The following ANP32A variants were observed in gnomAD, a reference collection of about 807,000 sequenced individuals.
The protein encoded by ANP32A is acidic nuclear phosphoprotein 32 family member A.
Under a neutral mutation model 33.9 loss-of-function variants are expected in ANP32A, and 1 was observed. The observed-to-expected ratio is 0.03, with a 90% CI of 0.01 to 0.14. The LOEUF (loss-of-function observed/expected upper bound fraction) is 0.14. Ranked by LOEUF, ANP32A falls within the 10% of genes least tolerant of loss-of-function variation. The pLI, the probability that ANP32A is intolerant of heterozygous loss-of-function variation, is 1.00. For synonymous variants in ANP32A, 115 were observed against 120.5 expected (o/e 0.95, Z 0.30); for missense variants, 155 against 306.0 (o/e 0.51, Z 3.68).
In ANP32A at chr15:68,820,206, G is replaced by A. The variant is rs575168073; in HGVS notation, c.54+492C>T. On this transcript the variant is annotated intron_variant, in intron 1 of 6. Transcript: ENST00000465139. Reference sequence around the variant, plus strand: ...TGTGCGAGCGAGCGAGCGAGAGAAAGGGAGGGGGGAGGCGCGGGAGGGGGG... The same window carrying A: ...TGTGCGAGCGAGCGAGCGAGAGAAAAGGAGGGGGGAGGCGCGGGAGGGGGG... Among the ~76,000 whole-genome samples, 5 of 152,300 alleles carry A rather than the reference G, an allele frequency of 3.3e-5. No homozygotes were observed. The Middle Eastern group carries it at 0.01, about 311-fold the overall frequency.
intron 1 of ANP32A, among the ~76,000 whole-genome samples, chr15:68,801,223 A>G (rs972749041): frequency 2.0e-5 from 3 of 151,920 alleles, no homozygotes; most frequent in African/African-American, 7.3e-5. Flanking sequence ...GAAGAAGAAA[A>G]AAAAAAAAAA....
intron 1 of ANP32A, among the ~76,000 whole-genome samples, chr15:68,800,754 A>AAAAAAAG (rs769179889): frequency 1.3e-5 from 2 of 149,450 alleles, no homozygotes; most frequent in Admixed American, 1.4e-4. Context: ...AAAAAAAAAA[A>AAAAAAAG]AAAGAAAGAA....
At chr15:68,801,442 A>G (rs1006159692) in intron 1 of ANP32A, among the ~76,000 whole-genome samples, 5 of 152,002 alleles carry the variant, frequency 3.3e-5, no homozygotes, top group Non-Finnish European at 5.9e-5. Context: ...TTTGGACAAG[A>G]CTTCACTGAG....
intron 1 of ANP32A, among the ~76,000 whole-genome samples, chr15:68,815,456 T>TC (rs1191491449): frequency 6.6e-6 from 1 of 152,196 alleles, no homozygotes; most frequent in Non-Finnish European, 1.5e-5. Flanking sequence ...GGATTTCTTA[T>TC]TTTTTGGGAG....
rs1893830108 is a variant in ANP32A, at chr15:68,779,066, A to C, written c.*1015T>G. 6.6e-6 allele frequency: 1 copy of C among 152,172 alleles called. No individual in the cohort carries two copies. The highest frequency in any genetic ancestry group is 2.1e-4 in the South Asian group (1 of 4,836). 9.4% of individuals were successfully genotyped at this position (152,172 alleles called of 1,614,324 possible). Reference sequence around the variant, plus strand: ...ACGTCACTTCTAAAGCAACCAGAAGAGGGACACGAAAGCAAACCTGTACAT... The same window carrying C: ...ACGTCACTTCTAAAGCAACCAGAAGCGGGACACGAAAGCAAACCTGTACAT... On this transcript the variant is annotated 3_prime_UTR_variant, in exon 7 of 7. Transcript: ENST00000465139.
Position 68,780,173 on chromosome 15 carries a change from A to G in ANP32A, c.689-31T>C. On this transcript the variant is annotated intron_variant, in intron 6 of 6. Transcript: ENST00000465139. The surrounding 1 kb of genome is among the most constrained non-coding windows in gnomAD (Gnocchi z 4.3). ...AAAGTAAGAAAGCGGCATTTAGATTAGTTATTAATCCCACCTCTTTAACTC... is the reference window on the plus strand; with the variant it reads ...AAAGTAAGAAAGCGGCATTTAGATTGGTTATTAATCCCACCTCTTTAACTC... 6.2e-7 allele frequency: 1 copy of G among 1,612,888 alleles called. No individual in the cohort carries two copies. The highest frequency in any genetic ancestry group is 8.5e-7 in the Non-Finnish European group (1 of 1,179,272).
chr15:68,809,190 G>A (rs557307792), intron 1 of ANP32A, among the ~76,000 whole-genome samples: 21 of 152,312 alleles, frequency 1.4e-4, no homozygotes, highest in Admixed American at 5.2e-4. Context: ...ACACACGGCA[G>A]TGGAGCCTTG....
chr15:68,815,437 G>A (rs781516073), intron 1 of ANP32A, among the ~76,000 whole-genome samples: 1 of 151,896 alleles, frequency 6.6e-6, no homozygotes, highest in Non-Finnish European at 1.5e-5. Context: ...ATCTGTTAAC[G>A]AGACAAGTGG....
intron 4 of ANP32A, 26 bp downstream of exon 4, chr15:68,784,371 G>A (rs753776576): frequency 1.2e-6 from 2 of 1,609,002 alleles, no homozygotes; most frequent in South Asian, 2.2e-5. Context: ...GGCCCCTGCA[G>A]CCCTGGGCCG....
chr15:68,787,362 A>G lies in ANP32A; in HGVS notation c.327+51T>C, dbSNP rs1158984896. Reference sequence around the variant, plus strand: ...GCAAAAGTAGTATTTGCTGATGCCAATTCCTCCCACCTCCTACCCCTGCAG... The same window carrying G: ...GCAAAAGTAGTATTTGCTGATGCCAGTTCCTCCCACCTCCTACCCCTGCAG... On this transcript the variant is annotated intron_variant, in intron 3 of 6. Transcript: ENST00000465139. 16 of 1,612,594 alleles carry G rather than the reference A, an allele frequency of 9.9e-6. No homozygotes were observed. The East Asian group carries it at 2.2e-4, about 22-fold the overall frequency.
intron 1 of ANP32A, among the ~76,000 whole-genome samples, chr15:68,819,017 G>C (rs1452285431): frequency 6.6e-6 from 1 of 152,242 alleles, no homozygotes; most frequent in Non-Finnish European, 1.5e-5. Context: ...CACGTCTCCA[G>C]TCCACAGCTG....
chr15:68,809,928 C>T (rs775022125), intron 1 of ANP32A, among the ~76,000 whole-genome samples: 23 of 152,184 alleles, frequency 1.5e-4, no homozygotes, highest in Non-Finnish European at 2.8e-4. Flanking sequence ...GACAGAGATG[C>T]TAATTAAACA....
intron 4 of ANP32A, 139 bp from the exon 5 acceptor site, chr15:68,783,192 CACTA>C (rs984555148): frequency 5.6e-5 from 74 of 1,313,184 alleles, no homozygotes; most frequent in Non-Finnish European, 6.8e-5. Context: ...AGATGGAACA[CACTA>C]ACTCTCATGA....
chr15:68,806,581 C>G (rs191251489), intron 1 of ANP32A, among the ~76,000 whole-genome samples: 257 of 152,346 alleles, frequency 1.7e-3, no homozygotes, highest in African/African-American at 6.0e-3. Flanking sequence ...AACCAAGACA[C>G]AGAAAGGCAT....
In ANP32A at chr15:68,819,954, CAGAGAAAGGGAGGGAGGG is replaced by C. The variant is rs1567041860; in HGVS notation, c.54+726_54+743del. On this transcript the variant is annotated intron_variant, in intron 1 of 6. Transcript: ENST00000465139. ...AGAAAGAGGAGGAGAGGAAGGGAGG[CAGAGAAAGGGAGGGAGGG>C]AGAGAAAGGGCGCGTTCACGAACAC... Among the ~76,000 whole-genome samples, 5 of 152,060 alleles carry C rather than the reference CAGAGAAAGGGAGGGAGGG, an allele frequency of 3.3e-5. No individual in the cohort carries two copies. In the South Asian group the frequency reaches 1.0e-3, roughly 32 times the overall value.
chr15:68,811,682 C>T (rs779751788), intron 1 of ANP32A, among the ~76,000 whole-genome samples: 4 of 152,214 alleles, frequency 2.6e-5, no homozygotes, highest in Non-Finnish European at 5.9e-5. Context: ...TTCTAAACCT[C>T]CTTTCCCATT....
intron 1 of ANP32A, chr15:68,790,469 T>C (rs1256023359): frequency 6.6e-6 from 1 of 152,234 alleles, no homozygotes; most frequent in African/African-American, 2.4e-5. Context: ...GGCCAGTCCC[T>C]GGCTCCTACC....
At position 68,780,231 on chromosome 15, in the gene ANP32A, A is replaced by T. The variant is rs530103147; in HGVS notation, c.689-89T>A. On this transcript the variant is annotated intron_variant, in intron 6 of 6. Coordinates refer to ENST00000465139, the MANE Select transcript of ANP32A (RefSeq NM_006305.4). The surrounding 1 kb of genome is among the most constrained non-coding windows in gnomAD (Gnocchi z 4.3). ...CCAGTGAGAAGTCAGGGGACCCATG[A>T]CTAGCAAGCTGTGCCATCCTTGGAA... The T allele has an allele frequency of 6.3e-7, 1 of 1,579,968 alleles. No homozygotes were observed. The highest frequency in any genetic ancestry group is 1.4e-5 in the African/African-American group (1 of 73,758).
At chr15:68,808,275 G>A (rs942951273) in intron 1 of ANP32A, among the ~76,000 whole-genome samples, 1 of 152,156 alleles carries the variant, frequency 6.6e-6, no homozygotes, top group Non-Finnish European at 1.5e-5. Context: ...ATTCAGTTCA[G>A]GCAGAGCCTG....
Sources: gnomAD v4.1 joint callset for allele counts (sites outside exome capture counted in the v4.1 genomes callset) on GRCh38, gnomAD v4.1.1 for gene constraint, Gnocchi (gnomAD v3.1) non-coding constraint, MANE v1.5 for transcripts, NCBI Gene and HGNC (gene_info 2026-07-23, HGNC 2026-07-21) for gene names.